Variants in TMEM179 observed in about 807,000 individuals in gnomAD.
TMEM179 encodes the protein transmembrane protein 179A.
TMEM179 carries 17 observed loss-of-function variants against 22.2 expected under a neutral mutation model. The observed-to-expected ratio is 0.77, with a 90% CI of 0.52 to 1.15. TMEM179 has a LOEUF of 1.15. TMEM179 is among the 50% of genes most tolerant of loss of function. TMEM179 has a pLI of 0.00. For synonymous variants in TMEM179, 127 were observed against 140.5 expected, an observed-to-expected ratio of 0.90 and a Z score of 0.68; for missense variants, 265 against 313.6, an observed-to-expected ratio of 0.84 and a Z score of 1.17.
At chr14:104,594,856 T>G in intron 3 of TMEM179, 1 of 1,303,862 alleles carries the variant, frequency 7.7e-7, no homozygotes, top group Admixed American at 3.6e-5. Context: ...TGATGCCTGG[T>G]TTCGTTTCTG....
chr14:104,599,913 C>T (rs895944135), intron 1 of TMEM179, among the ~76,000 whole-genome samples: 1 of 152,224 alleles, frequency 6.6e-6, no homozygotes, highest in African/African-American at 2.4e-5. Context: ...CCCCTTCCCA[C>T]CACTGAGCAT....
At chr14:104,594,661 T>C in intron 3 of TMEM179, 2 of 1,212,518 alleles carry the variant, frequency 1.6e-6, no homozygotes, top group Non-Finnish European at 2.0e-6. Flanking sequence ...GGACGCAGCT[T>C]ATACAAGGGC....
At chr14:104,603,374 G>C (rs576535364) in intron 1 of TMEM179, among the ~76,000 whole-genome samples, 5 of 152,276 alleles carry the variant, frequency 3.3e-5, no homozygotes, top group African/African-American at 9.6e-5. Context: ...CAAAGGATGG[G>C]GGTGAGGGCA....
chr14:104,597,054 T>G lies in TMEM179; in HGVS notation c.379A>C (p.Ile127Leu). The G allele has an allele frequency of 6.2e-7, 1 of 1,610,000 alleles. No homozygotes were observed. Among genetic ancestry groups the G allele is most frequent in the Non-Finnish European group, 8.5e-7 (1 of 1,178,942 alleles). The change falls in exon 2 of 4, where the codon ATC (isoleucine) becomes CTC (leucine). Residue 127 changes from isoleucine to leucine, a missense_variant. Physicochemically the swap from Ile to Leu is conservative, Grantham distance 5. Transcript: ENST00000556573. The surrounding 1 kb of genome is among the most constrained non-coding windows in gnomAD (Gnocchi z 4.8). ...CACATGGTGAAGCCCACGCTCACGATGGTGCTGGCAATGAAGACCAGGAAG... is the reference window on the plus strand; with the variant it reads ...CACATGGTGAAGCCCACGCTCACGAGGGTGCTGGCAATGAAGACCAGGAAG... ...VVFLVFIAST[I>L]VSVGFTMWCD...
rs1200148735 is a variant in TMEM179 at position 104,604,616 on chromosome 14, G to A, written c.126C>T (p.Phe42=). 1.3e-6 allele frequency: 2 copies of A among 1,571,126 alleles called. No homozygotes were observed. Among genetic ancestry groups the A allele is most frequent in the African/African-American group, 1.4e-5 (1 of 71,270 alleles). Residue 42 remains phenylalanine, a synonymous_variant, in exon 1 of 4, where the codon TTC becomes TTT. Coordinates refer to ENST00000556573, the MANE Select transcript of TMEM179 (RefSeq NM_001286389.2). This position sits in a 1 kb window ranked among gnomAD's most constrained non-coding sequence, Gnocchi z 4.6. ...GHDFRGRCLL[F]TEGMWLSANL... is the part of the protein sequence containing the mutation. ...TGGCGCTCAGCCACATGCCCTCGGT[G>A]AAGAGCAGGCAGCGGCCGCGGAAGT...
At position 104,597,347 on chromosome 14, in the gene TMEM179, G is replaced by C. The variant is rs913051538; in HGVS notation, c.306-220C>G. ...TGCCTGCGGTCCCTCGGGCAGCTCC[G>C]TGTGCCCACCCTGGGCTGCAGGTCA... On this transcript the variant is annotated intron_variant, in intron 1 of 3. Coordinates refer to ENST00000556573, the MANE Select transcript of TMEM179 (RefSeq NM_001286389.2). The surrounding 1 kb of genome is among the most constrained non-coding windows in gnomAD (Gnocchi z 4.8). Among the ~76,000 whole-genome samples the C allele has an allele frequency of 6.7e-6, 1 of 150,246 alleles. No individual in the cohort carries two copies. The highest frequency in any genetic ancestry group is 1.5e-5 in the Non-Finnish European group (1 of 67,946).
At chr14:104,593,958 A>T (rs1886928617) in intron 3 of TMEM179, 1 of 992,626 alleles carries the variant, frequency 1.0e-6, no homozygotes, top group African/African-American at 1.7e-5. Context: ...GGCCCCGAGG[A>T]GGGGCAGTGG....
In TMEM179 at chr14:104,593,187, T is replaced by C; in HGVS notation, c.*292A>G. 2.0e-6 allele frequency: 1 copy of C among 497,076 alleles called. No individual in the cohort carries two copies. The highest frequency in any genetic ancestry group is 3.6e-6 in the Non-Finnish European group (1 of 279,254). The allele number at this position is 497,076 out of a possible 1,614,324, so 30.8% of individuals were successfully genotyped here. ...CATAGGCTGGCCAGTCAGGTCCTACTGGGACAGCCAAGGGGCCCTGTGCGA... is the reference window on the plus strand; with the variant it reads ...CATAGGCTGGCCAGTCAGGTCCTACCGGGACAGCCAAGGGGCCCTGTGCGA... On this transcript the variant is annotated 3_prime_UTR_variant, in exon 4 of 4. Coordinates refer to ENST00000556573, the MANE Select transcript of TMEM179 (RefSeq NM_001286389.2).
rs1887331752 is a variant in TMEM179 at position 104,604,045 on chromosome 14, A to G, written c.305+392T>C. Among the ~76,000 whole-genome samples, 1 of 152,018 alleles carries G rather than the reference A, an allele frequency of 6.6e-6. No homozygotes were observed. The highest frequency in any genetic ancestry group is 2.4e-5 in the African/African-American group (1 of 41,368). On this transcript the variant is annotated intron_variant, in intron 1 of 3. Transcript: ENST00000556573. The surrounding 1 kb of genome is among the most constrained non-coding windows in gnomAD (Gnocchi z 4.6). ...TTCGCCTTGTCACTGGGACCTGGAG[A>G]GCTCAGTGCAAGCCCTAGACCGGGC...
chr14:104,594,367 A>G, intron 3 of TMEM179: 1 of 1,231,778 alleles, frequency 8.1e-7, no homozygotes, highest in East Asian at 3.2e-5. Flanking sequence ...AAGAGCCTTC[A>G]GAGGCCAGCC....
chr14:104,591,790 C>A lies in TMEM179; in HGVS notation c.*1689G>T. 1 of 209,824 alleles carries A rather than the reference C, an allele frequency of 4.8e-6. No homozygotes were observed. Among genetic ancestry groups the A allele is most frequent in the South Asian group, 6.5e-5 (1 of 15,428 alleles). The allele number at this position is 209,824 out of a possible 1,614,324, so 13.0% of individuals were successfully genotyped here. The stretch of plus-strand genomic sequence containing the variant: ...CTCAGGGAGCCAGGGGCTCGCCTCT[C>A]CCCGGGAAGGTGGGCGCAGCAGCAG... On this transcript the variant is annotated 3_prime_UTR_variant, in exon 4 of 4. Transcript: ENST00000556573.
rs1015753723 is a variant in TMEM179 at position 104,594,296 on chromosome 14, G to C, written c.523-638C>G. The C allele has an allele frequency of 7.3e-6, 9 of 1,231,136 alleles. No homozygotes were observed. The South Asian group carries it at 3.7e-4, about 51-fold the overall frequency. The allele number at this position is 1,231,136 out of a possible 1,614,324, so 76.3% of individuals were successfully genotyped here. On this transcript the variant is annotated intron_variant, in intron 3 of 3. Transcript: ENST00000556573. ...GCAAAGAGCATTCAGGCCCACCCAT[G>C]TCCAGCACCCTTGGAGGGCTCCTGG...
intron 1 of TMEM179, among the ~76,000 whole-genome samples, chr14:104,603,711 G>C (rs1003933186): frequency 1.3e-5 from 2 of 151,834 alleles, no homozygotes; most frequent in Admixed American, 6.6e-5. Context: ...GGTTCACAGA[G>C]AGCACCTGCA....
chr14:104,596,495 C>A (rs148582009), intron 2 of TMEM179, among the ~76,000 whole-genome samples: 1 of 152,204 alleles, frequency 6.6e-6, no homozygotes, highest in Non-Finnish European at 1.5e-5. Flanking sequence ...TCACCATCCC[C>A]GTCCCTTCCA....
At chr14:104,600,671 T>C (rs902901848) in intron 1 of TMEM179, among the ~76,000 whole-genome samples, 1 of 152,204 alleles carries the variant, frequency 6.6e-6, no homozygotes, top group African/African-American at 2.4e-5. Flanking sequence ...TAATGGAGCA[T>C]CAAGATGACA....
At chr14:104,598,431 C>T (rs1383172030) in intron 1 of TMEM179, among the ~76,000 whole-genome samples, 1 of 152,244 alleles carries the variant, frequency 6.6e-6, no homozygotes, top group African/African-American at 2.4e-5. Context: ...ATTTAATAAA[C>T]AAGGTCTCCC....
chr14:104,603,275 G>T (rs750159986), intron 1 of TMEM179, among the ~76,000 whole-genome samples: 1 of 152,158 alleles, frequency 6.6e-6, no homozygotes, highest in African/African-American at 2.4e-5. Context: ...CACAGCGGGG[G>T]CAACAGGAGG....
intron 3 of TMEM179, 88 bp from the exon 4 acceptor site, chr14:104,593,746 G>T: frequency 7.2e-7 from 1 of 1,383,824 alleles, no homozygotes; most frequent in Non-Finnish European, 9.5e-7. Flanking sequence ...GCTCTGCTCT[G>T]CAGGGAAAGG....
rs934563903 is a variant in TMEM179, at chr14:104,591,158, G to A, written c.*2321C>T. ...GGCTCCGGAGACAGCCCAGTCCAGG[G>A]TGGGTCTATGTCTGCATGCAGCCGA... On this transcript the variant is annotated 3_prime_UTR_variant, in exon 4 of 4. Transcript: ENST00000556573. The A allele has an allele frequency of 2.9e-5, 10 of 348,986 alleles. 1 individual carries two copies. The highest frequency in any genetic ancestry group is 2.1e-4 in the South Asian group (10 of 47,834). 21.6% of individuals were successfully genotyped at this position (348,986 alleles called of 1,614,324 possible).
Sources: allele counts gnomAD v4.1 joint callset (sites outside exome capture counted in the v4.1 genomes callset), GRCh38; gene constraint gnomAD v4.1.1; non-coding constraint Gnocchi (gnomAD v3.1); transcripts MANE v1.5; gene names NCBI Gene and HGNC (gene_info 2026-07-23, HGNC 2026-07-21).